DAAM1: variants seen among roughly 807,000 people sequenced by gnomAD.
The protein encoded by DAAM1 is disheveled-associated activator of morphogenesis 1.
In DAAM1, 52 loss-of-function variants were observed where a neutral mutation model predicts 130.0. That is an observed-to-expected ratio of 0.40 (90% CI 0.32 to 0.50). The LOEUF (loss-of-function observed/expected upper bound fraction) is 0.50. DAAM1 is among the 20% of genes least tolerant of loss of function. DAAM1 has a pLI of 0.61. For missense variants in DAAM1, 1,134 were observed against 1,303.8 expected (o/e 0.87, Z 2.01); for synonymous variants, 452 against 444.5 (o/e 1.02, Z -0.21).
intron 1 of DAAM1, among the ~76,000 whole-genome samples, chr14:59,259,130 A>G (rs1882047259): frequency 6.6e-6 from 1 of 152,222 alleles, no homozygotes; most frequent in Non-Finnish European, 1.5e-5. Context: ...AACTTGTAGC[A>G]TGCAAAAGGA....
intron 17 of DAAM1, among the ~76,000 whole-genome samples, chr14:59,350,673 G>A (rs994047885): frequency 8.6e-5 from 13 of 152,018 alleles, no homozygotes; most frequent in African/African-American, 2.7e-4. Flanking sequence ...GGGACACTGC[G>A]GGGCCCTCAT....
intron 3 of DAAM1, among the ~76,000 whole-genome samples, chr14:59,312,087 G>A (rs1485724004): frequency 6.6e-6 from 1 of 152,098 alleles, no homozygotes; most frequent in Non-Finnish European, 1.5e-5. Context: ...ATCTGTACAA[G>A]TGTGAACATG....
Position 59,315,406 on chromosome 14 carries a change from A to G in DAAM1, c.345+55A>G, listed in dbSNP as rs995335699. 2.0e-6 allele frequency: 3 copies of G among 1,504,326 alleles called. No homozygotes were observed. The African/African-American group carries it at 4.1e-5, about 21-fold the overall frequency. 93.2% of individuals were successfully genotyped at this position (1,504,326 alleles called of 1,614,324 possible). On this transcript the variant is annotated intron_variant, in intron 4 of 24. Coordinates refer to ENST00000360909, the MANE Select transcript of DAAM1 (RefSeq NM_001270520.2). ...CTGTTTAAAATGCAAGTGTAGTACA[A>G]AGTACACAGTTGCACAATAAATTCG...
intron 1 of DAAM1, among the ~76,000 whole-genome samples, chr14:59,250,676 G>A (rs186221188): frequency 1.5e-4 from 23 of 151,854 alleles, no homozygotes; most frequent in African/African-American, 5.6e-4. Context: ...ACAAACTTAG[G>A]TACATATGGA....
intron 1 of DAAM1, among the ~76,000 whole-genome samples, chr14:59,234,250 C>A (rs1210586689): frequency 6.6e-6 from 1 of 152,112 alleles, no homozygotes; most frequent in African/African-American, 2.4e-5. Flanking sequence ...GTTGATTATT[C>A]CTATCCATGA....
At chr14:59,352,333 T>C (rs1401903690) in intron 17 of DAAM1, among the ~76,000 whole-genome samples, 193 bp from the exon 18 acceptor site, 1 of 152,250 alleles carries the variant, frequency 6.6e-6, no homozygotes, top group Non-Finnish European at 1.5e-5. Context: ...ATGAATCTTA[T>C]ACCCATTTAA....
At chr14:59,262,284 T>C (rs901686725) in intron 1 of DAAM1, among the ~76,000 whole-genome samples, 9 of 152,240 alleles carry the variant, frequency 5.9e-5, no homozygotes, top group Non-Finnish European at 1.2e-4. Context: ...GTATGACGTT[T>C]TTAAAAAGAC....
intron 3 of DAAM1, among the ~76,000 whole-genome samples, chr14:59,310,134 A>G (rs1286110337): frequency 2.1e-5 from 3 of 144,556 alleles, no homozygotes; most frequent in East Asian, 4.0e-4. Context: ...TTTTTGAGAC[A>G]GGGTCTTGCT....
chr14:59,367,297 A>C (rs1886956412), intron 23 of DAAM1, 132 bp from the exon 24 acceptor site: 1 of 1,407,332 alleles, frequency 7.1e-7, no homozygotes, highest in African/African-American at 1.5e-5. Context: ...AAAAGAAAGA[A>C]AGAAATAAAA....
chr14:59,276,270 C>G (rs1178244009), intron 2 of DAAM1, among the ~76,000 whole-genome samples: 1 of 152,156 alleles, frequency 6.6e-6, no homozygotes, highest in Non-Finnish European at 1.5e-5. Context: ...TACATTTTCT[C>G]CATGCATTTT....
intron 2 of DAAM1, among the ~76,000 whole-genome samples, chr14:59,289,767 G>GATATATATATAT: frequency 0.016 from 1,773 of 110,214 alleles, 195 homozygotes; most frequent in African/African-American, 0.052. Flanking sequence ...AACAAAATGT[G>GATATATATATAT]ATATATATAT....
At chr14:59,245,924 G>C (rs1226292035) in intron 1 of DAAM1, among the ~76,000 whole-genome samples, 1 of 152,142 alleles carries the variant, frequency 6.6e-6, no homozygotes. Context: ...TCAGAGCATA[G>C]CTATTCATTG....
intron 18 of DAAM1, 85 bp downstream of exon 18, chr14:59,352,717 G>A: frequency 8.2e-7 from 1 of 1,218,272 alleles, no homozygotes; most frequent in Non-Finnish European, 1.2e-6. Context: ...AATTGTTTGG[G>A]CCAATTAACC....
At chr14:59,336,910 A>C (rs1046970974) in intron 15 of DAAM1, among the ~76,000 whole-genome samples, 3 of 152,212 alleles carry the variant, frequency 2.0e-5, no homozygotes, top group African/African-American at 7.2e-5. Context: ...TCTTCACACC[A>C]ATCAGTTGTT....
chr14:59,306,022 C>A (rs1884367995), intron 3 of DAAM1, among the ~76,000 whole-genome samples: 1 of 151,904 alleles, frequency 6.6e-6, no homozygotes, highest in South Asian at 2.1e-4. Flanking sequence ...AGTTAGAGAT[C>A]CATTGATAAA....
intron 1 of DAAM1, among the ~76,000 whole-genome samples, chr14:59,251,262 T>C (rs1022465335): frequency 2.6e-5 from 4 of 152,228 alleles, no homozygotes; most frequent in African/African-American, 9.6e-5. Flanking sequence ...TTCTTAGATA[T>C]GCAATCTAGA....
chr14:59,244,340 TC>T, intron 1 of DAAM1, among the ~76,000 whole-genome samples: 1 of 152,118 alleles, frequency 6.6e-6, no homozygotes, highest in Non-Finnish European at 1.5e-5. Flanking sequence ...GAATATTCAC[TC>T]TTGCTTGTTG....
intron 1 of DAAM1, among the ~76,000 whole-genome samples, chr14:59,262,022 C>A (rs1401438088): frequency 6.6e-6 from 1 of 151,942 alleles, no homozygotes; most frequent in East Asian, 1.9e-4. Flanking sequence ...CCTGCCCTTC[C>A]ATCTCTTGAA....
At chr14:59,193,479 C>A (rs1887794691) in intron 1 of DAAM1, among the ~76,000 whole-genome samples, 1 of 152,016 alleles carries the variant, frequency 6.6e-6, no homozygotes, top group African/African-American at 2.4e-5. Context: ...TTTTAGTATC[C>A]TTTCCACTGT....
Sources: gnomAD v4.1 joint callset for allele counts (sites outside exome capture counted in the v4.1 genomes callset) on GRCh38, gnomAD v4.1.1 for gene constraint, MANE v1.5 for transcripts, NCBI Gene and HGNC (gene_info 2026-07-23, HGNC 2026-07-21) for gene names.